L3MBTL2: variants seen among roughly 807,000 people sequenced by gnomAD.
L3MBTL2 encodes the protein lethal(3)malignant brain tumor-like protein 2.
L3MBTL2 carries 49 observed loss-of-function variants against 86.4 expected under a neutral mutation model. The observed-to-expected ratio is 0.57, with a 90% CI of 0.45 to 0.72. L3MBTL2 has a LOEUF of 0.72. Ranked by LOEUF, L3MBTL2 falls within the 30% of genes least tolerant of loss-of-function variation. The pLI, the probability that L3MBTL2 is intolerant of heterozygous loss-of-function variation, is 0.00. For synonymous variants in L3MBTL2, 336 were observed against 350.6 expected, an observed-to-expected ratio of 0.96 and a Z score of 0.47; for missense variants, 755 against 923.7, an observed-to-expected ratio of 0.82 and a Z score of 2.37.
chr22:41,210,049 G>A, intron 2 of L3MBTL2, 116 bp downstream of exon 2: 1 of 1,364,644 alleles, frequency 7.3e-7, no homozygotes, highest in Non-Finnish European at 9.8e-7. Context: ...TATTAACTCT[G>A]ATTTCTAAGG....
At position 41,227,570 on chromosome 22, in the gene L3MBTL2, C is replaced by T; in HGVS notation, c.1823-234C>T. 6.5e-7 allele frequency: 1 copy of T among 1,547,864 alleles called. No homozygotes were observed. Among genetic ancestry groups the T allele is most frequent in the Non-Finnish European group, 8.7e-7 (1 of 1,145,492 alleles). ...TGTCATATGTTCGTGCCCTTGTGCACCCAGGTAAACTACCCAGGTCCCTCT... is the reference window on the plus strand; with the variant it reads ...TGTCATATGTTCGTGCCCTTGTGCATCCAGGTAAACTACCCAGGTCCCTCT... On this transcript the variant is annotated intron_variant, in intron 14 of 16. Coordinates refer to ENST00000216237, the MANE Select transcript of L3MBTL2 (RefSeq NM_031488.5). This position sits in a 1 kb window ranked among gnomAD's most constrained non-coding sequence, Gnocchi z 6.0.
chr22:41,228,392 G>C, intron 15 of L3MBTL2: 1 of 985,482 alleles, frequency 1.0e-6, no homozygotes, highest in Non-Finnish European at 1.2e-6. Flanking sequence ...TCACTCTACA[G>C]ATTCTGAGCC....
At chr22:41,209,579 G>A in intron 1 of L3MBTL2, 117 bp from the exon 2 acceptor site, 1 of 770,416 alleles carries the variant, frequency 1.3e-6, no homozygotes, top group Non-Finnish European at 2.2e-6. Flanking sequence ...TTGTAAAAGG[G>A]GTATTTGAAA....
Position 41,227,403 on chromosome 22 carries a change from C to A in L3MBTL2, c.1822+80C>A, listed in dbSNP as rs779142391. 7.2e-7 allele frequency: 1 copy of A among 1,394,564 alleles called. No homozygotes were observed. The highest frequency in any genetic ancestry group is 1.2e-5 in the South Asian group (1 of 80,156). 86.4% of individuals were successfully genotyped at this position (1,394,564 alleles called of 1,614,324 possible). On this transcript the variant is annotated intron_variant, in intron 14 of 16. Transcript: ENST00000216237. The surrounding 1 kb of genome is among the most constrained non-coding windows in gnomAD (Gnocchi z 6.0). Reference sequence around the variant, plus strand: ...CTTCTTCCCCCGCCCCTGTGCCCATCTCCGTTCTTTGGCATGAGGTGGAGA... The same window carrying A: ...CTTCTTCCCCCGCCCCTGTGCCCATATCCGTTCTTTGGCATGAGGTGGAGA...
rs779333273 is a variant in L3MBTL2 at position 41,224,295 on chromosome 22, C to G, written c.1174+44C>G. The G allele has an allele frequency of 2.0e-6, 3 of 1,520,164 alleles. No homozygotes were observed. The East Asian group carries it at 6.8e-5, about 34-fold the overall frequency. The allele number at this position is 1,520,164 out of a possible 1,614,324, so 94.2% of individuals were successfully genotyped here. A position where few individuals can be genotyped will look rare whatever the true frequency, so the allele number is the denominator to read the frequency against. ...CAGAGGGACTGCATGCTGTGCTTCC[C>G]CAGGGACGGAGTGGGAGCACCTTCC... On this transcript the variant is annotated intron_variant, in intron 9 of 16. Transcript: ENST00000216237. This position sits in a 1 kb window ranked among gnomAD's most constrained non-coding sequence, Gnocchi z 4.9.
At chr22:41,209,229 A>C (rs562642810) in intron 1 of L3MBTL2, 2 of 162,412 alleles carry the variant, frequency 1.2e-5, no homozygotes, top group African/African-American at 2.4e-5. Flanking sequence ...CAGCCTCCCA[A>C]GTAGCTGGAC....
At chr22:41,228,431 C>T (rs1223095915) in intron 15 of L3MBTL2, 4 of 985,248 alleles carry the variant, frequency 4.1e-6, no homozygotes, top group Admixed American at 6.2e-5. Context: ...AGGGGCAGAG[C>T]GGGAGCGGGC....
chr22:41,210,184 C>T (rs1396784392), intron 2 of L3MBTL2, among the ~76,000 whole-genome samples: 1 of 146,660 alleles, frequency 6.8e-6, no homozygotes, highest in Non-Finnish European at 1.5e-5. Flanking sequence ...GAGTGTCGCC[C>T]TGTTGCTCAG....
At chr22:41,205,491 G>A in intron 1 of L3MBTL2, 105 bp downstream of exon 1, 1 of 1,339,516 alleles carries the variant, frequency 7.5e-7, no homozygotes, top group East Asian at 2.3e-5. Flanking sequence ...GTGGAGGGTG[G>A]GAGGATGGAT....
At chr22:41,206,668 A>G (rs1274778277) in intron 1 of L3MBTL2, among the ~76,000 whole-genome samples, 1 of 151,966 alleles carries the variant, frequency 6.6e-6, no homozygotes, top group Non-Finnish European at 1.5e-5. Flanking sequence ...GCGTGGTGGC[A>G]GGCACCTGTA....
At chr22:41,208,226 G>A (rs988750052) in intron 1 of L3MBTL2, 10 of 380,538 alleles carry the variant, frequency 2.6e-5, no homozygotes, top group African/African-American at 4.3e-5. Flanking sequence ...TGACCTCCCA[G>A]GCTCAAGCAG....
intron 1 of L3MBTL2, among the ~76,000 whole-genome samples, chr22:41,208,825 C>A (rs1371610117): frequency 1.3e-5 from 2 of 152,116 alleles, no homozygotes; most frequent in African/African-American, 4.8e-5. Flanking sequence ...CTCGCTGCAA[C>A]CTCCACCTCC....
chr22:41,223,951 C>T, intron 8 of L3MBTL2, 69 bp from the exon 9 acceptor site: 4 of 1,259,248 alleles, frequency 3.2e-6, no homozygotes, highest in South Asian at 1.2e-5. Flanking sequence ...GTCCTCCACT[C>T]ACCAGAGCAG....
Position 41,209,803 on chromosome 22 carries a change from C to T in L3MBTL2, c.132C>T (p.Ser44=). The change falls in exon 2 of 17, where the codon AGC becomes AGT. Residue 44 remains serine, a synonymous_variant. Coordinates refer to ENST00000216237, the MANE Select transcript of L3MBTL2 (RefSeq NM_031488.5). ...RSYNSSVGSE[S]SSYLEESSEA... ...ATAACAGCAGTGTGGGCAGTGAGAG[C>T]AGCTCCTATCTGGAGGAGTCAAGTG... 6.2e-7 allele frequency: 1 copy of T among 1,614,156 alleles called. No homozygotes were observed. The highest frequency in any genetic ancestry group is 8.5e-7 in the Non-Finnish European group (1 of 1,180,034).
In L3MBTL2 at chr22:41,224,064, G is replaced by A; in HGVS notation, c.987G>A (p.Leu329=). Residue 329 remains leucine (L), a synonymous_variant, in exon 9 of 17, where the codon CTG becomes CTA. Coordinates refer to ENST00000216237, the MANE Select transcript of L3MBTL2 (RefSeq NM_031488.5). This position sits in a 1 kb window ranked among gnomAD's most constrained non-coding sequence, Gnocchi z 4.9. Reference sequence around the variant, plus strand: ...ACCCCTTTAGGCAGGGCATGCGGCTGGAAGTGGTGGACAAGTCCCAGGTGT... The same window carrying A: ...ACCCCTTTAGGCAGGGCATGCGGCTAGAAGTGGTGGACAAGTCCCAGGTGT... ...MKYPFRQGMR[L]EVVDKSQVSR... is the part of the protein sequence containing the mutation. 1.2e-6 allele frequency: 2 copies of A among 1,614,216 alleles called. No individual in the cohort carries two copies. The highest frequency in any genetic ancestry group is 1.7e-6 in the Non-Finnish European group (2 of 1,180,038).
chr22:41,219,820 C>T (rs896568988), intron 6 of L3MBTL2, among the ~76,000 whole-genome samples: 1 of 152,194 alleles, frequency 6.6e-6, no homozygotes, highest in Non-Finnish European at 1.5e-5. Flanking sequence ...CGGCTCACTG[C>T]AACCTCCACC....
intron 1 of L3MBTL2, among the ~76,000 whole-genome samples, chr22:41,206,355 G>A (rs1396242650): frequency 6.6e-6 from 1 of 151,978 alleles, no homozygotes; most frequent in Non-Finnish European, 1.5e-5. Context: ...ATGTTGCCCT[G>A]GCTGGAATGC....
intron 1 of L3MBTL2, among the ~76,000 whole-genome samples, chr22:41,207,216 TCTTA>T (rs927992313): frequency 6.7e-6 from 1 of 150,266 alleles, no homozygotes; most frequent in Non-Finnish European, 1.5e-5. Context: ...CTGTATCGTC[TCTTA>T]CTTCTCCCCC....
intron 6 of L3MBTL2, among the ~76,000 whole-genome samples, chr22:41,219,790 G>A (rs936311700): frequency 6.6e-6 from 1 of 152,182 alleles, no homozygotes; most frequent in South Asian, 2.1e-4. Flanking sequence ...CACCCAGGCT[G>A]GAGTACGGTG....
Sources: allele counts gnomAD v4.1 joint callset (sites outside exome capture counted in the v4.1 genomes callset), GRCh38; gene constraint gnomAD v4.1.1; non-coding constraint Gnocchi (gnomAD v3.1); transcripts MANE v1.5; gene names NCBI Gene and HGNC (gene_info 2026-07-23, HGNC 2026-07-21).